SCNN1G: variants seen among roughly 807,000 people sequenced by gnomAD.
SCNN1G encodes the protein sodium channel epithelial 1 subunit gamma.
Under a neutral mutation model 64.6 loss-of-function variants are expected in SCNN1G, and 27 were observed. That is an observed-to-expected ratio of 0.42 (90% CI 0.31 to 0.58). SCNN1G has a LOEUF of 0.58. Ranked by LOEUF, SCNN1G falls within the 20% of genes least tolerant of loss-of-function variation. The pLI is 0.18. For missense variants in SCNN1G, 743 were observed against 823.4 expected (o/e 0.90, Z 1.19); for synonymous variants, 330 against 314.2 (o/e 1.05, Z -0.53).
rs1015259820 is a variant in SCNN1G at position 23,210,133 on chromosome 16, G to A, written c.1176+285G>A. Reference sequence around the variant, plus strand: ...GGCAAGGGAGGAACAGGAAAGAAGCGGTCTGGGAGAGACACTGGCTGAAGG... The same window carrying A: ...GGCAAGGGAGGAACAGGAAAGAAGCAGTCTGGGAGAGACACTGGCTGAAGG... On this transcript the variant is annotated intron_variant, in intron 7 of 12. Transcript: ENST00000300061. Among the ~76,000 whole-genome samples, 13 of 152,306 alleles carry A rather than the reference G, an allele frequency of 8.5e-5. No homozygotes were observed. The East Asian group carries it at 1.3e-3, about 16-fold the overall frequency.
chr16:23,185,947 C>A (rs1959598266), intron 1 of SCNN1G, among the ~76,000 whole-genome samples: 1 of 152,206 alleles, frequency 6.6e-6, no homozygotes, highest in Non-Finnish European at 1.5e-5. Context: ...GCCTGTCCAG[C>A]CAGCGCTTCG....
chr16:23,186,307 G>C lies in SCNN1G; in HGVS notation c.36G>C (p.Lys12Asn). The C allele has an allele frequency of 6.2e-7, 1 of 1,614,248 alleles. No individual in the cohort carries two copies. Among genetic ancestry groups the C allele is most frequent in the Non-Finnish European group, 8.5e-7 (1 of 1,180,048 alleles). Reference sequence around the variant, plus strand: ...GAGAGAAGATCAAAGCCAAAATCAAGAAGAATCTGCCCGTGACGGGCCCTC... The same window carrying C: ...GAGAGAAGATCAAAGCCAAAATCAACAAGAATCTGCCCGTGACGGGCCCTC... The part of the protein sequence containing the change: ...APGEKIKAKI[K>N]KNLPVTGPQA... Residue 12 changes from lysine to asparagine, a missense_variant, in exon 2 of 13, where the codon AAG becomes AAC. Transcript: ENST00000300061.
At chr16:23,194,603 T>C (rs1190890190) in intron 5 of SCNN1G, among the ~76,000 whole-genome samples, 3 of 152,122 alleles carry the variant, frequency 2.0e-5, no homozygotes, top group African/African-American at 4.8e-5. Flanking sequence ...CCAAAGGGAG[T>C]TGAGCCCAGA....
intron 11 of SCNN1G, among the ~76,000 whole-genome samples, chr16:23,213,657 A>G (rs2141945697): frequency 6.6e-6 from 1 of 152,258 alleles, no homozygotes; most frequent in South Asian, 2.1e-4. Flanking sequence ...CTAAGCCATC[A>G]CTATCTCCCT....
chr16:23,208,338 C>A (rs1029628524), intron 6 of SCNN1G, among the ~76,000 whole-genome samples: 5 of 151,764 alleles, frequency 3.3e-5, no homozygotes, highest in African/African-American at 1.2e-4. Context: ...CAGAGTGAGA[C>A]CCTCATCTCT....
intron 5 of SCNN1G, chr16:23,195,935 G>A (rs1168901711): frequency 6.6e-6 from 1 of 152,234 alleles, no homozygotes; most frequent in Admixed American, 6.5e-5. Flanking sequence ...CAAGCATGGA[G>A]TTTCTCCTGT....
At chr16:23,204,465 A>G (rs1417488284) in intron 6 of SCNN1G, among the ~76,000 whole-genome samples, 1 of 145,334 alleles carries the variant, frequency 6.9e-6, no homozygotes, top group Non-Finnish European at 1.5e-5. Flanking sequence ...GAAGGTTTCT[A>G]TTGTCTTTTT....
At chr16:23,198,500 G>A (rs1372908260) in intron 6 of SCNN1G, among the ~76,000 whole-genome samples, 1 of 152,216 alleles carries the variant, frequency 6.6e-6, no homozygotes, top group Non-Finnish European at 1.5e-5. Context: ...GAAGGCCAAG[G>A]TGGGTGGATC....
chr16:23,192,586 C>T, intron 4 of SCNN1G, 44 bp downstream of exon 4: 1 of 1,512,684 alleles, frequency 6.6e-7, no homozygotes, highest in Non-Finnish European at 9.1e-7. Flanking sequence ...GGACTGGCAG[C>T]TCTGAGTACC....
chr16:23,214,628 T>G, intron 11 of SCNN1G, 84 bp from the exon 12 acceptor site: 2 of 1,090,642 alleles, frequency 1.8e-6, no homozygotes, highest in African/African-American at 1.5e-5. Flanking sequence ...GCTGCCAGCT[T>G]GGGTAGGAGG....
intron 6 of SCNN1G, among the ~76,000 whole-genome samples, chr16:23,197,659 G>A (rs990832632): frequency 3.9e-5 from 6 of 152,078 alleles, no homozygotes; most frequent in Non-Finnish European, 2.9e-5. Flanking sequence ...TCAGGAGACC[G>A]AGGTGAGGTC....
At chr16:23,199,883 G>C (rs549785468) in intron 6 of SCNN1G, among the ~76,000 whole-genome samples, 3 of 151,890 alleles carry the variant, frequency 2.0e-5, no homozygotes, top group African/African-American at 7.3e-5. Context: ...GTGTTAGCCA[G>C]GATGGTCTCG....
chr16:23,200,143 T>C (rs923122499), intron 6 of SCNN1G, among the ~76,000 whole-genome samples: 2 of 152,216 alleles, frequency 1.3e-5, no homozygotes, highest in Non-Finnish European at 1.5e-5. Flanking sequence ...TTTCCAAACC[T>C]GGTTGATTAT....
intron 3 of SCNN1G, among the ~76,000 whole-genome samples, chr16:23,191,876 G>A (rs1355023407): frequency 1.3e-5 from 2 of 152,190 alleles, no homozygotes; most frequent in African/African-American, 4.8e-5. Flanking sequence ...GAAGGATGGT[G>A]TTTCAGTCAA....
At chr16:23,203,023 C>G (rs1188998672) in intron 6 of SCNN1G, among the ~76,000 whole-genome samples, 1 of 151,984 alleles carries the variant, frequency 6.6e-6, no homozygotes, top group Non-Finnish European at 1.5e-5. Flanking sequence ...GAGACAGAAC[C>G]CTAAACATGC....
chr16:23,198,402 C>T (rs1274375592), intron 6 of SCNN1G, among the ~76,000 whole-genome samples: 2 of 152,136 alleles, frequency 1.3e-5, no homozygotes, highest in Non-Finnish European at 2.9e-5. Flanking sequence ...TATCTATCTG[C>T]CTCTCCCTTT....
In SCNN1G at chr16:23,210,197, C is replaced by A. The variant is rs558388648; in HGVS notation, c.1176+349C>A. Among the ~76,000 whole-genome samples the A allele has an allele frequency of 4.6e-5, 7 of 152,290 alleles. No homozygotes were observed. The East Asian group carries it at 1.4e-3, about 29-fold the overall frequency. ...CTTCCGGGCCTGCTGGTGCCCCTCT[C>A]TGGATGATGGCCTTGGGCCAGCTGG... On this transcript the variant is annotated intron_variant, in intron 7 of 12. Coordinates refer to ENST00000300061, the MANE Select transcript of SCNN1G (RefSeq NM_001039.4).
rs528377070 is a variant in SCNN1G, at chr16:23,209,361, C to T, written c.1078-389C>T. Among the ~76,000 whole-genome samples, 5 of 152,206 alleles carry T rather than the reference C, an allele frequency of 3.3e-5. No homozygotes were observed. The East Asian group carries it at 7.7e-4, about 24-fold the overall frequency. ...ACGCTAAGCCAACAGGTCCCTTTTT[C>T]GGAAATACCTTCCCTAATCACTCTA... On this transcript the variant is annotated intron_variant, in intron 6 of 12. Transcript: ENST00000300061.
intron 2 of SCNN1G, among the ~76,000 whole-genome samples, chr16:23,186,881 G>A (rs556053315): frequency 1.8e-4 from 27 of 151,610 alleles, no homozygotes; most frequent in Non-Finnish European, 3.1e-4. Flanking sequence ...GTGCGATCTC[G>A]GCTCACTGCA....
Sources: allele counts gnomAD v4.1 joint callset (sites outside exome capture counted in the v4.1 genomes callset), GRCh38; gene constraint gnomAD v4.1.1; transcripts MANE v1.5; gene names NCBI Gene and HGNC (gene_info 2026-07-23, HGNC 2026-07-21).